Variants in DHRS4L2 observed in about 807,000 individuals in gnomAD.
The protein encoded by DHRS4L2 is dehydrogenase/reductase 4 like 2.
A neutral mutation model predicts 23.9 loss-of-function variants in DHRS4L2; 22 were observed. The ratio of observed to expected loss-of-function variants is 0.92; its 90% confidence interval spans 0.66 to 1.31. The LOEUF (loss-of-function observed/expected upper bound fraction) is 1.31. Among genes scored for constraint, DHRS4L2 ranks in the 40% most tolerant of loss-of-function variants. DHRS4L2 has a pLI of 0.00. For missense variants in DHRS4L2, 385 were observed against 303.3 expected, an observed-to-expected ratio of 1.27 and a Z score of -2.00; for synonymous variants, 141 against 123.7, an observed-to-expected ratio of 1.14 and a Z score of -0.93.
chr14:23,988,637 G>A (rs531020923), upstream of DHRS4L2: 35 of 415,774 alleles, frequency 8.4e-5, 1 homozygote, highest in African/African-American at 1.6e-4. Context: ...AGATGCAGAA[G>A]GGCAGCAGCC....
chr14:23,996,598 G>A (rs957985925), intron 3 of DHRS4L2, among the ~76,000 whole-genome samples: 1 of 149,526 alleles, frequency 6.7e-6, no homozygotes, highest in South Asian at 2.2e-4. Flanking sequence ...AACCATTTAA[G>A]TTTGGCTTCT....
chr14:23,987,603 A>T (rs937940552), upstream of DHRS4L2, among the ~76,000 whole-genome samples: 28 of 148,100 alleles, frequency 1.9e-4, 1 homozygote, highest in Non-Finnish European at 3.7e-4. Context: ...GATTTCACCA[A>T]TAACACATCT....
In DHRS4L2 at chr14:23,989,090, C is replaced by T. The variant is rs370689210; in HGVS notation, c.128+15C>T. On this transcript the variant is annotated intron_variant, in intron 1 of 7. Coordinates refer to ENST00000335125, the MANE Select transcript of DHRS4L2 (RefSeq NM_198083.4). ...TCCACCGACGGGTGAGTGTTGGTGCCGGAGTTTCTGAGGCCCTGGCTGCCT... is the reference window on the plus strand; with the variant it reads ...TCCACCGACGGGTGAGTGTTGGTGCTGGAGTTTCTGAGGCCCTGGCTGCCT... 16 of 1,559,294 alleles carry T rather than the reference C, an allele frequency of 1.0e-5. No individual in the cohort carries two copies. Among genetic ancestry groups the T allele is most frequent in the Middle Eastern group, 1.9e-4 (1 of 5,140 alleles).
intron 3 of DHRS4L2, among the ~76,000 whole-genome samples, chr14:23,996,865 C>G (rs1470126133): frequency 6.6e-6 from 1 of 151,922 alleles, no homozygotes; most frequent in Non-Finnish European, 1.5e-5. Flanking sequence ...AAATTCCTGG[C>G]CTCAACTGAT....
chr14:24,001,776 G>A (rs1199855388), intron 6 of DHRS4L2, among the ~76,000 whole-genome samples: 2 of 110,548 alleles, frequency 1.8e-5, no homozygotes, highest in Non-Finnish European at 3.3e-5. Flanking sequence ...ATGAGAATTG[G>A]AGAGACGCAG....
chr14:23,984,712 C>A (rs1468225670), upstream of DHRS4L2, among the ~76,000 whole-genome samples: 2 of 143,828 alleles, frequency 1.4e-5, no homozygotes, highest in Non-Finnish European at 1.5e-5. Flanking sequence ...GAGGCTGAGG[C>A]AGGAGAATCG....
At chr14:23,970,250 T>C (rs1055535944) in exon 1 of DHRS4L2, 1 of 450,860 alleles carries the variant, frequency 2.2e-6, no homozygotes, top group Non-Finnish European at 4.4e-6. Flanking sequence ...ACCCCAAGCA[T>C]CCAGACTCTA....
intron 1 of DHRS4L2, among the ~76,000 whole-genome samples, chr14:23,977,367 G>C (rs1156280366): frequency 6.6e-6 from 1 of 151,670 alleles, no homozygotes; most frequent in Admixed American, 6.6e-5. Flanking sequence ...AGTGGAACTG[G>C]GTGTGCCTCA....
At chr14:23,987,043 T>C (rs1291936094), upstream of DHRS4L2, among the ~76,000 whole-genome samples, 1 of 151,700 alleles carries the variant, frequency 6.6e-6, no homozygotes, top group Non-Finnish European at 1.5e-5. Flanking sequence ...AGCTGTAACT[T>C]CTTGGCTGAG....
At chr14:23,977,470 C>T (rs1198809848) in intron 1 of DHRS4L2, among the ~76,000 whole-genome samples, 1 of 151,572 alleles carries the variant, frequency 6.6e-6, no homozygotes. Context: ...AAAGTTTAAG[C>T]CATTCTATAT....
At chr14:23,982,735 A>G (rs1453236146) in intron 1 of DHRS4L2, among the ~76,000 whole-genome samples, 2 of 151,100 alleles carry the variant, frequency 1.3e-5, no homozygotes, top group African/African-American at 4.9e-5. Flanking sequence ...TGATGTTGGG[A>G]AAGCTGGCTA....
upstream of DHRS4L2, among the ~76,000 whole-genome samples, chr14:23,984,805 C>CAAAA (rs568852943): frequency 0.062 from 4,162 of 67,220 alleles, 191 homozygotes; most frequent in East Asian, 0.14. Flanking sequence ...GATGCCATCT[C>CAAAA]AAAAAAAAAA....
At chr14:23,986,827 A>C (rs1225330191), upstream of DHRS4L2, among the ~76,000 whole-genome samples, 1 of 151,564 alleles carries the variant, frequency 6.6e-6, no homozygotes, top group East Asian at 1.9e-4. Context: ...ACACAGATGG[A>C]GAGCCCTGGG....
intron 1 of DHRS4L2, among the ~76,000 whole-genome samples, chr14:23,981,402 C>A (rs1221593272): frequency 1.3e-5 from 2 of 151,618 alleles, no homozygotes; most frequent in African/African-American, 4.8e-5. Context: ...AGATTCAGTG[C>A]TATCCCCATC....
At chr14:23,999,376 A>G (rs1315874560) in intron 3 of DHRS4L2, among the ~76,000 whole-genome samples, 1 of 137,222 alleles carries the variant, frequency 7.3e-6, no homozygotes, top group African/African-American at 2.7e-5. Flanking sequence ...AAAAAAAAAC[A>G]ATATCTGCAA....
chr14:23,971,973 T>G (rs372534504), intron 1 of DHRS4L2, among the ~76,000 whole-genome samples: 36 of 152,156 alleles, frequency 2.4e-4, no homozygotes, highest in African/African-American at 8.4e-4. Flanking sequence ...AATTCACATA[T>G]AACAATACTA....
chr14:23,990,283 A>T lies in DHRS4L2; in HGVS notation c.230A>T (p.Gln77Leu). The T allele has an allele frequency of 6.2e-7, 1 of 1,612,532 alleles. No individual in the cohort carries two copies. The highest frequency in any genetic ancestry group is 8.5e-7 in the Non-Finnish European group (1 of 1,179,256). ...GTGGACCAGGCGGTGGCCACGCTGCAGGGGGAGGGGCTGAGCGTGACGGGC... is the reference window on the plus strand; with the variant it reads ...GTGGACCAGGCGGTGGCCACGCTGCTGGGGGAGGGGCTGAGCGTGACGGGC... Reference protein sequence around the residue: ...QNVDQAVATLQGEGLSVTGTV... With the variant: ...QNVDQAVATLLGEGLSVTGTV... Residue 77 changes from glutamine (Q) to leucine (L), a missense_variant, in exon 2 of 8, where the codon CAG becomes CTG. Coordinates refer to ENST00000335125, the MANE Select transcript of DHRS4L2 (RefSeq NM_198083.4).
In DHRS4L2 at chr14:23,989,031, C is replaced by T. The variant is rs1470424403; in HGVS notation, c.84C>T (p.Asp28=). 6.2e-7 allele frequency: 1 copy of T among 1,603,036 alleles called. No individual in the cohort carries two copies. Among genetic ancestry groups the T allele is most frequent in the East Asian group, 2.2e-5 (1 of 44,476 alleles). ...CCAGCTCCAGGATGACCCGCCGGGA[C>T]CCGCTCACAAATAAGGTGGCCCTGG... is the stretch of plus-strand genomic sequence containing the variant. ...RMASSRMTRR[D]PLTNKVALVT... The change falls in exon 1 of 8, where the codon GAC becomes GAT. Residue 28 remains aspartate (D), a synonymous_variant. Coordinates refer to ENST00000335125, the MANE Select transcript of DHRS4L2 (RefSeq NM_198083.4).
rs541400844 is a variant in DHRS4L2, at chr14:23,995,132, A to G, written c.407A>G (p.Lys136Arg). 3.1e-6 allele frequency: 5 copies of G among 1,612,640 alleles called. No homozygotes were observed. In the African/African-American group the frequency reaches 6.7e-5, roughly 21 times the overall value. Residue 136 changes from lysine (K) to arginine (R), a missense_variant and splice_region_variant, in exon 3 of 8, where the codon AAG becomes AGG. Transcript: ENST00000335125. Reference protein sequence around the residue: ...LMDVTEEVWDKTLDINVKAPA... With the variant: ...LMDVTEEVWDRTLDINVKAPA... Reference sequence around the variant, plus strand: ...GATGTCACCGAGGAGGTGTGGGACAAGGTGAGAGGGGATTAAAGAAGCGCG... The same window carrying G: ...GATGTCACCGAGGAGGTGTGGGACAGGGTGAGAGGGGATTAAAGAAGCGCG...
Sources: gnomAD v4.1 joint callset for allele counts (sites outside exome capture counted in the v4.1 genomes callset) on GRCh38, gnomAD v4.1.1 for gene constraint, MANE v1.5 for transcripts, NCBI Gene and HGNC (gene_info 2026-07-23, HGNC 2026-07-21) for gene names.